Variants in ST18 observed in about 807,000 individuals in gnomAD.
ST18 encodes the protein ST18 C2H2C-type zinc finger transcription factor, also known as suppression of tumorigenicity 18 protein.
ST18 carries 50 observed loss-of-function variants against 110.0 expected under a neutral mutation model. The ratio of observed to expected loss-of-function variants is 0.45; its 90% confidence interval spans 0.36 to 0.58. The LOEUF is 0.58. Ranked by LOEUF, ST18 falls within the 20% of genes least tolerant of loss-of-function variation. The probability of loss-of-function intolerance (pLI) is 0.00; values close to 1 mark genes in which losing one functional copy is unlikely to be tolerated. For missense variants in ST18, 1,306 were observed against 1,280.1 expected, an observed-to-expected ratio of 1.02 and a Z score of -0.31; for synonymous variants, 461 against 452.4, an observed-to-expected ratio of 1.02 and a Z score of -0.24.
intron 2 of ST18, among the ~76,000 whole-genome samples, chr8:52,349,711 G>GT (rs1819381933): frequency 6.6e-6 from 1 of 152,136 alleles, no homozygotes; most frequent in South Asian, 2.1e-4. Context: ...ACAAATCTAG[G>GT]TTTTCTGTGT....
intron 2 of ST18, among the ~76,000 whole-genome samples, chr8:52,391,698 C>A (rs1230595809): frequency 6.6e-6 from 1 of 152,168 alleles, no homozygotes; most frequent in African/African-American, 2.4e-5. Flanking sequence ...GCACTACCAT[C>A]CATGTTTGTG....
chr8:52,164,640 T>C (rs1418666182), intron 12 of ST18, among the ~76,000 whole-genome samples: 1 of 152,202 alleles, frequency 6.6e-6, no homozygotes, highest in African/African-American at 2.4e-5. Context: ...ACACAATACA[T>C]TTTCATGTAA....
At chr8:52,206,812 A>G (rs1267831315) in intron 8 of ST18, 1 of 152,204 alleles carries the variant, frequency 6.6e-6, no homozygotes, top group East Asian at 1.9e-4. Context: ...AATCTCTAAA[A>G]CATGCTTTGA....
intron 15 of ST18, among the ~76,000 whole-genome samples, chr8:52,152,074 T>C (rs2058950686): frequency 6.6e-6 from 1 of 152,224 alleles, no homozygotes; most frequent in African/African-American, 2.4e-5. Context: ...CTCCTAATGT[T>C]TAAAAGAGGC....
chr8:52,161,697 G>T (rs544541401), intron 13 of ST18, 129 bp from the exon 14 acceptor site: 2 of 1,063,670 alleles, frequency 1.9e-6, no homozygotes, highest in East Asian at 5.1e-5. Flanking sequence ...AACAATAAGA[G>T]AGACGGGGCC....
chr8:52,232,105 C>A (rs1426707763), intron 2 of ST18, among the ~76,000 whole-genome samples: 1 of 152,104 alleles, frequency 6.6e-6, no homozygotes, highest in African/African-American at 2.4e-5. Flanking sequence ...CTAAATATAC[C>A]CACATAGAGC....
At chr8:52,289,802 C>A (rs897307412) in intron 2 of ST18, among the ~76,000 whole-genome samples, 13 of 152,120 alleles carry the variant, frequency 8.5e-5, no homozygotes, top group African/African-American at 2.9e-4. Flanking sequence ...GCAGGAGCCA[C>A]ATGGAGCAAA....
At chr8:52,171,753 C>T (rs749728732) in intron 10 of ST18, 39 bp downstream of exon 10, 148 of 1,593,322 alleles carry the variant, frequency 9.3e-5, no homozygotes, top group Non-Finnish European at 1.2e-4. Context: ...AACCCTAATG[C>T]ACTTTTATTC....
Position 52,339,446 on chromosome 8 carries a change from T to C in ST18, c.-465+69882A>G, listed in dbSNP as rs192497666. On this transcript the variant is annotated intron_variant, in intron 2 of 25. Transcript: ENST00000689386. Reference sequence around the variant, plus strand: ...ACACGACAAAACCTCACCATGGAGGTAAGCTCTGTCCTGCTCACAGTTCCA... The same window carrying C: ...ACACGACAAAACCTCACCATGGAGGCAAGCTCTGTCCTGCTCACAGTTCCA... Among the ~76,000 whole-genome samples, 233 of 152,296 alleles carry C rather than the reference T, an allele frequency of 1.5e-3. 1 individual carries two copies. Among genetic ancestry groups the C allele is most frequent in the African/African-American group, 5.3e-3 (222 of 41,564 alleles).
chr8:52,381,624 G>C (rs1283091262), intron 2 of ST18, among the ~76,000 whole-genome samples: 1 of 152,078 alleles, frequency 6.6e-6, no homozygotes, highest in Non-Finnish European at 1.5e-5. Flanking sequence ...TCTTGGAGTC[G>C]TCTCATAAGT....
At chr8:52,401,068 T>C (rs1399672640) in intron 2 of ST18, among the ~76,000 whole-genome samples, 1 of 152,176 alleles carries the variant, frequency 6.6e-6, no homozygotes, top group African/African-American at 2.4e-5. Context: ...TCTCCTTTAT[T>C]TTTGAAAGTC....
At chr8:52,208,842 A>G (rs7833016) in intron 8 of ST18, among the ~76,000 whole-genome samples, 18,749 of 152,006 alleles carry the variant, frequency 0.12, 2,730 homozygotes, top group African/African-American at 0.35. Context: ...TAAATAAATA[A>G]ATAGATAAAT....
intron 2 of ST18, among the ~76,000 whole-genome samples, chr8:52,390,239 T>A (rs371594312): frequency 2.0e-5 from 3 of 152,272 alleles, no homozygotes; most frequent in African/African-American, 7.2e-5. Context: ...CCTTCCTCCC[T>A]TCCCGTTATC....
chr8:52,290,257 T>A (rs955789516), intron 2 of ST18, among the ~76,000 whole-genome samples: 4 of 152,160 alleles, frequency 2.6e-5, no homozygotes, highest in Non-Finnish European at 5.9e-5. Context: ...CTCTCCTTGA[T>A]AAGTATCCTT....
At position 52,116,401 on chromosome 8, in the gene ST18, G is replaced by T; in HGVS notation, c.2877C>A (p.Ser959Arg). The T allele has an allele frequency of 6.2e-7, 1 of 1,613,486 alleles. No individual in the cohort carries two copies. Among genetic ancestry groups the T allele is most frequent in the Non-Finnish European group, 8.5e-7 (1 of 1,179,768 alleles). ...KLQTQITSME[S>R]NLKTIEEENK... ...TCTCCTCCTCTATCGTCTTTAAGTT[G>T]CTCTCCATAGATGTGATCTACAACA... The change falls in exon 25 of 26, where the codon AGC becomes AGA. Residue 959 changes from serine to arginine, a missense_variant. Transcript: ENST00000689386.
intron 2 of ST18, among the ~76,000 whole-genome samples, chr8:52,253,712 C>T (rs2094425831): frequency 6.6e-6 from 1 of 152,122 alleles, no homozygotes; most frequent in South Asian, 2.1e-4. Context: ...AGAGAGATGT[C>T]AGATTTGGGA....
chr8:52,233,136 C>T (rs1056595383), intron 2 of ST18, among the ~76,000 whole-genome samples: 2 of 152,096 alleles, frequency 1.3e-5, no homozygotes, highest in African/African-American at 4.8e-5. Context: ...GTGTAACTAA[C>T]CTTCTTGGTA....
intron 2 of ST18, among the ~76,000 whole-genome samples, chr8:52,285,140 C>T (rs939597656): frequency 6.6e-6 from 1 of 152,166 alleles, no homozygotes; most frequent in African/African-American, 2.4e-5. Context: ...TAGGTGGCTT[C>T]TAAGACCCTT....
intron 2 of ST18, chr8:52,405,262 A>G (rs1442792226): frequency 1.3e-5 from 2 of 152,218 alleles, no homozygotes; most frequent in Non-Finnish European, 2.9e-5. Context: ...TCAAAACTAT[A>G]ACATCAATGC....
Sources: gnomAD v4.1 joint callset for allele counts (sites outside exome capture counted in the v4.1 genomes callset) on GRCh38, gnomAD v4.1.1 for gene constraint, MANE v1.5 for transcripts, NCBI Gene and HGNC (gene_info 2026-07-23, HGNC 2026-07-21) for gene names.